OPCML: variants seen among roughly 807,000 people sequenced by gnomAD.
The protein encoded by OPCML is opioid-binding protein/cell adhesion molecule.
A neutral mutation model predicts 37.8 loss-of-function variants in OPCML; 13 were observed. The ratio of observed to expected loss-of-function variants is 0.34; its 90% CI spans 0.22 to 0.55. The LOEUF (loss-of-function observed/expected upper bound fraction) is 0.55, where lower values mean the gene tolerates loss of function less well. Ranked by LOEUF, OPCML falls within the 20% of genes least tolerant of loss-of-function variation. The pLI is 0.91. For synonymous variants in OPCML, 176 were observed against 168.8 expected (o/e 1.04, Z -0.33); for missense variants, 341 against 435.6 (o/e 0.78, Z 1.93).
At chr11:132,641,321 C>T (rs533210603) in intron 3 of OPCML, among the ~76,000 whole-genome samples, 1 of 152,186 alleles carries the variant, frequency 6.6e-6, no homozygotes, top group Admixed American at 6.5e-5. Context: ...CTTCCACGCA[C>T]ACCTCCACCT....
At chr11:133,514,456 C>T (rs1290016563) in intron 1 of OPCML, among the ~76,000 whole-genome samples, 4 of 152,198 alleles carry the variant, frequency 2.6e-5, no homozygotes, top group Non-Finnish European at 4.4e-5. Context: ...TGCTCCCTTC[C>T]TCCTCGTCTG....
intron 2 of OPCML, among the ~76,000 whole-genome samples, chr11:132,867,505 C>T (rs995632181): frequency 1.3e-5 from 2 of 152,166 alleles, no homozygotes; most frequent in Non-Finnish European, 2.9e-5. Context: ...AAGCCCTCTG[C>T]CAGCAGAGCT....
intron 4 of OPCML, among the ~76,000 whole-genome samples, chr11:132,470,298 AAG>A (rs2136956134): frequency 6.6e-6 from 1 of 152,174 alleles, no homozygotes; most frequent in African/African-American, 2.4e-5. Context: ...TTCTGGGGGT[AAG>A]GACCCCAGGG....
intron 1 of OPCML, among the ~76,000 whole-genome samples, chr11:133,349,463 G>A (rs1457308721): frequency 6.6e-6 from 1 of 152,150 alleles, no homozygotes. Flanking sequence ...GTATTGAGAA[G>A]TTTAGGTGAG....
rs116992071 is a variant in OPCML at position 133,529,979 on chromosome 11, G to A, written c.61+2285C>T. 1.5e-3 allele frequency among the ~76,000 whole-genome samples: 231 copies of A among 152,190 alleles called. 5 individuals are homozygous for A. In the East Asian group the frequency reaches 0.038, roughly 25 times the overall value. On this transcript the variant is annotated intron_variant, in intron 1 of 7. Transcript: ENST00000524381. Reference sequence around the variant, plus strand: ...CTCCTCCCCGTTCTTGTTCTTACCGGGCTCCTGACACAATTAGCATAAGAG... The same window carrying A: ...CTCCTCCCCGTTCTTGTTCTTACCGAGCTCCTGACACAATTAGCATAAGAG...
At chr11:133,337,990 G>A (rs1484833120) in intron 1 of OPCML, among the ~76,000 whole-genome samples, 7 of 151,866 alleles carry the variant, frequency 4.6e-5, no homozygotes, top group Admixed American at 4.6e-4. Flanking sequence ...GAAGCCACAG[G>A]GCCGTCCTGT....
chr11:132,423,738 T>C (rs1478405970), intron 7 of OPCML, among the ~76,000 whole-genome samples: 1 of 152,166 alleles, frequency 6.6e-6, no homozygotes, highest in African/African-American at 2.4e-5. Context: ...TTTAAGTAAT[T>C]TGGTGTGGTC....
intron 1 of OPCML, among the ~76,000 whole-genome samples, chr11:133,162,845 GA>G (rs748652755): frequency 5.3e-5 from 8 of 152,264 alleles, no homozygotes; most frequent in Admixed American, 6.5e-5. Flanking sequence ...TGAAAACCAA[GA>G]AATCCTTCAT....
chr11:132,899,122 C>A (rs1168415594), intron 2 of OPCML, among the ~76,000 whole-genome samples: 1 of 152,130 alleles, frequency 6.6e-6, no homozygotes, highest in Admixed American at 6.5e-5. Flanking sequence ...GTCACCCCAC[C>A]AGGTAATGAA....
chr11:133,447,799 C>A (rs935246573), intron 1 of OPCML, among the ~76,000 whole-genome samples: 1 of 152,136 alleles, frequency 6.6e-6, no homozygotes, highest in Non-Finnish European at 1.5e-5. Flanking sequence ...GACTTCATGT[C>A]TTTGCTATTG....
At chr11:132,944,440 G>C (rs1401494035) in intron 1 of OPCML, among the ~76,000 whole-genome samples, 1 of 152,146 alleles carries the variant, frequency 6.6e-6, no homozygotes, top group Non-Finnish European at 1.5e-5. Context: ...CCCGCGCAGA[G>C]GTGGAGTGCA....
At chr11:133,044,455 C>T (rs974328260) in intron 1 of OPCML, among the ~76,000 whole-genome samples, 6 of 152,016 alleles carry the variant, frequency 3.9e-5, no homozygotes, top group African/African-American at 9.7e-5. Flanking sequence ...AAGGGGAAAT[C>T]GGCTAGCCCA....
chr11:132,719,527 G>A (rs370782260), intron 2 of OPCML, among the ~76,000 whole-genome samples: 14 of 152,092 alleles, frequency 9.2e-5, no homozygotes, highest in East Asian at 5.8e-4. Flanking sequence ...CTGCAACCAC[G>A]AGCAGACCAG....
chr11:133,286,587 C>A (rs1244879979), intron 1 of OPCML, among the ~76,000 whole-genome samples: 3 of 149,448 alleles, frequency 2.0e-5, no homozygotes, highest in African/African-American at 7.4e-5. Flanking sequence ...ATTTTGTTAA[C>A]TAACTGACCG....
intron 1 of OPCML, chr11:133,421,798 TC>T (rs1194773740): frequency 1.0e-6 from 1 of 983,922 alleles, no homozygotes; most frequent in African/African-American, 1.7e-5. Flanking sequence ...TTTCGAGTCT[TC>T]CAGCTGAGTC....
In OPCML at chr11:133,174,404, TA is replaced by T. The variant is rs1276061599; in HGVS notation, c.62-231395del. Among the ~76,000 whole-genome samples the T allele has an allele frequency of 6.6e-6, 1 of 152,156 alleles. No individual in the cohort carries two copies. Among genetic ancestry groups the T allele is most frequent in the Non-Finnish European group, 1.5e-5 (1 of 68,034 alleles). On this transcript the variant is annotated intron_variant, in intron 1 of 7. Coordinates refer to ENST00000524381, the MANE Select transcript of OPCML (RefSeq NM_001012393.5). This position sits in a 1 kb window ranked among gnomAD's most constrained non-coding sequence, Gnocchi z 4.6. Reference sequence around the variant, plus strand: ...GTGCCTGGTAGTGAAATAAGGCAGCTAAACCTTACCTCTGGATATAGGAGAA... The same window carrying T: ...GTGCCTGGTAGTGAAATAAGGCAGCTAACCTTACCTCTGGATATAGGAGAA...
At chr11:132,991,158 A>G (rs1946767935) in intron 1 of OPCML, among the ~76,000 whole-genome samples, 1 of 152,198 alleles carries the variant, frequency 6.6e-6, no homozygotes, top group Non-Finnish European at 1.5e-5. Context: ...AGCGTCACAC[A>G]AGGCATCTCC....
At chr11:132,716,905 A>C (rs1180160793) in intron 2 of OPCML, among the ~76,000 whole-genome samples, 1 of 152,176 alleles carries the variant, frequency 6.6e-6, no homozygotes, top group Non-Finnish European at 1.5e-5. Context: ...TTTTAGAACT[A>C]TCCCAATAGA....
At chr11:133,294,974 C>T (rs138736866) in intron 1 of OPCML, among the ~76,000 whole-genome samples, 2 of 151,980 alleles carry the variant, frequency 1.3e-5, no homozygotes, top group African/African-American at 4.8e-5. Flanking sequence ...CAGGCACCTG[C>T]CACCATGCCC....
Sources: allele counts gnomAD v4.1 joint callset (sites outside exome capture counted in the v4.1 genomes callset), GRCh38; gene constraint gnomAD v4.1.1; non-coding constraint Gnocchi (gnomAD v3.1); transcripts MANE v1.5; gene names NCBI Gene and HGNC (gene_info 2026-07-23, HGNC 2026-07-21).